The following PTBP3 variants were observed in gnomAD, a reference collection of about 807,000 sequenced individuals.
The protein encoded by PTBP3 is polypyrimidine tract-binding protein 3.
In PTBP3, 20 loss-of-function variants were observed where a neutral mutation model predicts 58.7. That is an observed-to-expected ratio of 0.34 (90% CI 0.24 to 0.50). PTBP3 has a LOEUF of 0.50. Ranked by LOEUF, PTBP3 falls within the 20% of genes least tolerant of loss-of-function variation. The pLI, the probability that PTBP3 is intolerant of heterozygous loss-of-function variation, is 0.98. For synonymous variants in PTBP3, 185 were observed against 219.8 expected (o/e 0.84, Z 1.40); for missense variants, 509 against 637.2 (o/e 0.80, Z 2.17).
chr9:112,277,351 G>A (rs1424712256), intron 2 of PTBP3, among the ~76,000 whole-genome samples: 1 of 152,086 alleles, frequency 6.6e-6, no homozygotes, highest in Non-Finnish European at 1.5e-5. Flanking sequence ...AATCTGGAAG[G>A]CAAGAGATTC....
At position 112,223,692 on chromosome 9, in the gene PTBP3, C is replaced by CA. The variant is rs375783669; in HGVS notation, c.*158dup. ...TTGACTGGCGGGGGCAGGGGGAATA[C>CA]AAAAAAAAAAAATCCCTTGATTTTT... On this transcript the variant is annotated 3_prime_UTR_variant, in exon 14 of 14. Coordinates refer to ENST00000374257, the MANE Select transcript of PTBP3 (RefSeq NM_001163788.4). The CA allele has an allele frequency of 0.076, 69,061 of 904,630 alleles. 431 individuals carry two copies. The highest frequency in any genetic ancestry group is 0.16 in the East Asian group (4,093 of 25,272). The allele number at this position is 904,630 out of a possible 1,614,324, so 56.0% of individuals were successfully genotyped here. A position where few individuals can be genotyped will look rare whatever the true frequency, so the allele number is the denominator to read the frequency against.
intron 2 of PTBP3, among the ~76,000 whole-genome samples, chr9:112,287,348 T>G (rs1451770044): frequency 2.7e-5 from 4 of 146,374 alleles, no homozygotes; most frequent in South Asian, 2.2e-4. Context: ...TTTGTTTTTT[T>G]TTTTTTTTTG....
chr9:112,363,515 G>GTC, the PTBP3 span, among the ~76,000 whole-genome samples: 17 of 88,052 alleles, frequency 1.9e-4, no homozygotes, highest in East Asian at 3.9e-4. Context: ...GAGCAAAACT[G>GTC]TCACACACAC....
At chr9:112,267,266 C>G (rs960387744) in intron 4 of PTBP3, among the ~76,000 whole-genome samples, 1 of 151,734 alleles carries the variant, frequency 6.6e-6, no homozygotes, top group Non-Finnish European at 1.5e-5. Context: ...CCCAGGCTCA[C>G]GCCATTCCCC....
intron 2 of PTBP3, among the ~76,000 whole-genome samples, chr9:112,284,181 C>T (rs1013232110): frequency 2.0e-5 from 3 of 152,170 alleles, no homozygotes; most frequent in African/African-American, 7.2e-5. Flanking sequence ...CGCCACTGTC[C>T]TCCAGATCTC....
At chr9:112,328,049 T>C (rs1363246203) in intron 1 of PTBP3, among the ~76,000 whole-genome samples, 4 of 152,224 alleles carry the variant, frequency 2.6e-5, no homozygotes, top group African/African-American at 9.6e-5. Flanking sequence ...GGATTTTATA[T>C]TATACTACAG....
At chr9:112,244,677 CAAAAAATA>C (rs1278531447) in intron 7 of PTBP3, among the ~76,000 whole-genome samples, 1 of 151,204 alleles carries the variant, frequency 6.6e-6, no homozygotes, top group Non-Finnish European at 1.5e-5. Context: ...AACCCTGTCT[CAAAAAATA>C]AAAAAATAAA....
At chr9:112,308,400 A>T (rs528034292) in intron 1 of PTBP3, among the ~76,000 whole-genome samples, 1 of 151,930 alleles carries the variant, frequency 6.6e-6, no homozygotes, top group Non-Finnish European at 1.5e-5. Flanking sequence ...TCCTAGACAT[A>T]AATTCTTTCT....
At chr9:112,356,628 G>A in the PTBP3 span, among the ~76,000 whole-genome samples, 12 of 150,852 alleles carry the variant, frequency 8.0e-5, no homozygotes, top group South Asian at 1.7e-3. Context: ...TAGTCACTCC[G>A]CTGCTTGTGC....
chr9:112,344,731 C>G, the PTBP3 span, among the ~76,000 whole-genome samples: 2 of 151,498 alleles, frequency 1.3e-5, no homozygotes, highest in African/African-American at 4.9e-5. Context: ...AAAATTAATG[C>G]AAAAGAAAAA....
rs1191681187 is a variant in PTBP3 at position 112,223,496 on chromosome 9, T to C, written c.*355A>G. Reference sequence around the variant, plus strand: ...TAAATTTTTTAAAAGTACAAATGAGTTTAGAAATGTTGTATAAGGCTGATC... The same window carrying C: ...TAAATTTTTTAAAAGTACAAATGAGCTTAGAAATGTTGTATAAGGCTGATC... On this transcript the variant is annotated 3_prime_UTR_variant, in exon 14 of 14. Coordinates refer to ENST00000374257, the MANE Select transcript of PTBP3 (RefSeq NM_001163788.4). 2.2e-6 allele frequency: 2 copies of C among 917,426 alleles called. No individual in the cohort carries two copies. The highest frequency in any genetic ancestry group is 3.6e-5 in the African/African-American group (2 of 55,428). 56.8% of individuals were successfully genotyped at this position (917,426 alleles called of 1,614,324 possible). A position where few individuals can be genotyped will look rare whatever the true frequency, so the allele number is the denominator to read the frequency against.
intron 7 of PTBP3, among the ~76,000 whole-genome samples, chr9:112,235,302 T>A (rs889146433): frequency 6.6e-6 from 1 of 152,266 alleles, no homozygotes. Flanking sequence ...GTACGAATTA[T>A]AGGAGATTCA....
chr9:112,341,334 G>A, the PTBP3 span, among the ~76,000 whole-genome samples: 2 of 152,090 alleles, frequency 1.3e-5, no homozygotes, highest in African/African-American at 2.4e-5. Flanking sequence ...GTTTCACCAT[G>A]TTGGCCAGGC....
At chr9:112,372,565 T>C in the PTBP3 span, among the ~76,000 whole-genome samples, 14 of 152,294 alleles carry the variant, frequency 9.2e-5, no homozygotes, top group South Asian at 4.1e-4. Context: ...TTACTCTCTA[T>C]TGCCCCCTTC....
chr9:112,295,086 A>G (rs557701091), intron 2 of PTBP3, among the ~76,000 whole-genome samples: 3 of 152,158 alleles, frequency 2.0e-5, no homozygotes, highest in South Asian at 4.2e-4. Context: ...CTAAAAATAC[A>G]AAAATTAGCC....
At chr9:112,335,572 C>T (rs1225933947), upstream of PTBP3, among the ~76,000 whole-genome samples, 1 of 148,230 alleles carries the variant, frequency 6.7e-6, no homozygotes, top group African/African-American at 2.5e-5. Flanking sequence ...GTGTGAGCCA[C>T]CGCACCCAGC....
intron 7 of PTBP3, among the ~76,000 whole-genome samples, chr9:112,247,338 AAAGAAGTGTTCTGAATT>A (rs1289119821): frequency 1.3e-5 from 2 of 151,950 alleles, no homozygotes; most frequent in Non-Finnish European, 2.9e-5. Context: ...GACACAGAAT[AAAGAAGTGTTCTGAATT>A]AAATGACTCG....
chr9:112,250,170 C>T (rs1272466244), intron 7 of PTBP3, among the ~76,000 whole-genome samples: 1 of 152,046 alleles, frequency 6.6e-6, no homozygotes, highest in Non-Finnish European at 1.5e-5. Context: ...CTAAATACTA[C>T]TTAAAGTCCC....
At chr9:112,341,329 A>C in the PTBP3 span, among the ~76,000 whole-genome samples, 17 of 151,708 alleles carry the variant, frequency 1.1e-4, no homozygotes, top group African/African-American at 4.1e-4. Flanking sequence ...ATGGTGTTTC[A>C]CCATGTTGGC....
Sources: allele counts gnomAD v4.1 joint callset (sites outside exome capture counted in the v4.1 genomes callset), GRCh38; gene constraint gnomAD v4.1.1; transcripts MANE v1.5; gene names NCBI Gene and HGNC (gene_info 2026-07-23, HGNC 2026-07-21).